Variants in KIFC3 observed in about 807,000 individuals in gnomAD.
KIFC3 encodes kinesin-like protein KIFC3.
In KIFC3, 60 loss-of-function variants were observed where a neutral mutation model predicts 101.8. The ratio of observed to expected loss-of-function variants is 0.59; its 90% CI spans 0.48 to 0.73. KIFC3 has a LOEUF of 0.73. Ranked by LOEUF, KIFC3 falls within the 30% of genes least tolerant of loss-of-function variation. KIFC3 has a pLI of 0.00. For missense variants in KIFC3, 966 were observed against 1,137.1 expected (o/e 0.85, Z 2.16); for synonymous variants, 476 against 482.7 (o/e 0.99, Z 0.18).
At chr16:57,761,852 C>T (rs2049896122) in intron 13 of KIFC3, among the ~76,000 whole-genome samples, 1 of 152,170 alleles carries the variant, frequency 6.6e-6, no homozygotes, top group South Asian at 2.1e-4. Context: ...CCAGAACCAT[C>T]CAACCCACTG....
At chr16:57,802,919 A>G (rs560877130), upstream of KIFC3, 154 of 1,468,844 alleles carry the variant, frequency 1.0e-4, 2 homozygotes, top group African/African-American at 1.5e-3. The surrounding 1 kb of genome is among the most constrained non-coding windows in gnomAD (Gnocchi z 5.0). Context: ...TCATACCAGT[A>G]CGTGTCTTCC....
chr16:57,805,986 G>A (rs530237169), upstream of KIFC3, among the ~76,000 whole-genome samples: 60 of 152,124 alleles, frequency 3.9e-4, no homozygotes, highest in African/African-American at 1.2e-3. Flanking sequence ...TGATCTGCCC[G>A]CCTCAACCTC....
upstream of KIFC3, among the ~76,000 whole-genome samples, chr16:57,806,251 A>T (rs1425445515): frequency 6.6e-6 from 1 of 152,234 alleles, no homozygotes; most frequent in African/African-American, 2.4e-5. Flanking sequence ...CCTCAGATCA[A>T]GTCTTCTCCG....
intron 1 of KIFC3, among the ~76,000 whole-genome samples, chr16:57,822,429 C>T (rs1241698023): frequency 2.6e-5 from 4 of 152,114 alleles, no homozygotes; most frequent in African/African-American, 7.2e-5. Context: ...TGGCTGGGCG[C>T]GGTGGCTCAC....
At chr16:57,829,372 G>A (rs1301064798) in intron 1 of KIFC3, among the ~76,000 whole-genome samples, 1 of 152,102 alleles carries the variant, frequency 6.6e-6, no homozygotes, top group Non-Finnish European at 1.5e-5. Flanking sequence ...TCCCACCTCA[G>A]TTCCCTGAGT....
intron 18 of KIFC3, chr16:57,759,410 G>T (rs1276569494): frequency 3.4e-6 from 2 of 594,788 alleles, no homozygotes; most frequent in Non-Finnish European, 6.0e-6. Flanking sequence ...GCTCTGGAGG[G>T]GGCTTACTGC....
chr16:57,799,868 G>C lies in KIFC3; in HGVS notation c.-39-1586C>G, dbSNP rs72795553. Among the ~76,000 whole-genome samples the C allele has an allele frequency of 5.2e-3, 793 of 152,322 alleles. 6 individuals are homozygous for C. The highest frequency in any genetic ancestry group is 9.2e-3 in the Non-Finnish European group (625 of 68,036). On this transcript the variant is annotated intron_variant, in intron 1 of 19. Transcript: ENST00000445690. Reference sequence around the variant, plus strand: ...AGTGCCCAGTGCATCATGCCAAAGAGACGTGGAGGACTGAAAGCCCAGACA... The same window carrying C: ...AGTGCCCAGTGCATCATGCCAAAGACACGTGGAGGACTGAAAGCCCAGACA...
At chr16:57,794,772 C>T (rs934377763) in intron 3 of KIFC3, among the ~76,000 whole-genome samples, 2 of 152,216 alleles carry the variant, frequency 1.3e-5, no homozygotes, top group Admixed American at 1.3e-4. Flanking sequence ...TTTAACACCT[C>T]AGCCAGGGCA....
chr16:57,855,023 G>A (rs2149332882), intron 1 of KIFC3, among the ~76,000 whole-genome samples: 1 of 151,764 alleles, frequency 6.6e-6, no homozygotes, highest in South Asian at 2.1e-4. Context: ...AGTTTGAGAT[G>A]AGCCTGGGCA....
At chr16:57,770,398 G>A (rs1000302266) in intron 7 of KIFC3, 129 bp downstream of exon 7, 20 of 829,586 alleles carry the variant, frequency 2.4e-5, no homozygotes, top group Admixed American at 1.5e-4. Flanking sequence ...CCTGGGTCCC[G>A]TGGCCATCGG....
chr16:57,842,514 CAAT>C (rs1365180324), intron 1 of KIFC3, among the ~76,000 whole-genome samples: 1 of 152,206 alleles, frequency 6.6e-6, no homozygotes, highest in Non-Finnish European at 1.5e-5. Context: ...ATTTTATCAA[CAAT>C]GAGAACAACA....
rs1555602338 is a variant in KIFC3, at chr16:57,765,663, A to G, written c.1331-23T>C. The G allele has an allele frequency of 1.7e-5, 27 of 1,597,076 alleles. No individual in the cohort carries two copies. In the Admixed American group the frequency reaches 4.5e-4, roughly 26 times the overall value. On this transcript the variant is annotated intron_variant, in intron 10 of 19. Coordinates refer to ENST00000445690, the MANE Select transcript of KIFC3 (RefSeq NM_001130100.2). ...TCCCTGGATTGGTTGGGGATGGGGA[A>G]ATGGGTCCAGGCCATGTCAAGACCA... is the stretch of plus-strand genomic sequence containing the variant.
intron 1 of KIFC3, chr16:57,846,496 G>A (rs2055922126): frequency 6.6e-6 from 1 of 152,270 alleles, no homozygotes; most frequent in Admixed American, 6.5e-5. Flanking sequence ...GTTCTGCTGG[G>A]AAACCCAGCC....
chr16:57,800,421 T>C (rs1356887030), intron 1 of KIFC3, among the ~76,000 whole-genome samples: 2 of 152,184 alleles, frequency 1.3e-5, no homozygotes, highest in African/African-American at 4.8e-5. Flanking sequence ...AAATGTCCTC[T>C]TCTCCAGGCT....
chr16:57,792,116 G>C (rs1296938817), intron 3 of KIFC3, among the ~76,000 whole-genome samples: 1 of 152,204 alleles, frequency 6.6e-6, no homozygotes, highest in African/African-American at 2.4e-5. Flanking sequence ...ATTCCTTCAA[G>C]GCTCTGTGGA....
chr16:57,837,481 A>G (rs565458975), intron 1 of KIFC3, among the ~76,000 whole-genome samples: 1 of 151,542 alleles, frequency 6.6e-6, no homozygotes, highest in Admixed American at 6.6e-5. Context: ...AGAAAGAAAG[A>G]AAGAGAGAGA....
In KIFC3 at chr16:57,780,506, C is replaced by A. The variant is rs533113930; in HGVS notation, c.316-8218G>T. On this transcript the variant is annotated intron_variant, in intron 3 of 19. Transcript: ENST00000445690. Reference sequence around the variant, plus strand: ...AGCCTGGGTGACAGAGCAAGATTCTCTCTCAAGAAAAAAAATATATATATA... The same window carrying A: ...AGCCTGGGTGACAGAGCAAGATTCTATCTCAAGAAAAAAAATATATATATA... 9.4e-5 allele frequency among the ~76,000 whole-genome samples: 14 copies of A among 148,558 alleles called. No homozygotes were observed. In the South Asian group the frequency reaches 1.3e-3, roughly 14 times the overall value.
intron 1 of KIFC3, among the ~76,000 whole-genome samples, chr16:57,853,415 T>A (rs2056097929): frequency 9.9e-6 from 1 of 100,984 alleles, no homozygotes; most frequent in Admixed American, 1.0e-4. Context: ...CAAGACTCCA[T>A]CTCAAAATAA....
chr16:57,811,975 C>T (rs1248846374), intron 1 of KIFC3, among the ~76,000 whole-genome samples: 2 of 149,118 alleles, frequency 1.3e-5, no homozygotes, highest in African/African-American at 4.9e-5. Context: ...CCCAGGAGTT[C>T]AAGGCTGCAG....
Sources: allele counts gnomAD v4.1 joint callset (sites outside exome capture counted in the v4.1 genomes callset), GRCh38; gene constraint gnomAD v4.1.1; non-coding constraint Gnocchi (gnomAD v3.1); transcripts MANE v1.5; gene names NCBI Gene and HGNC (gene_info 2026-07-23, HGNC 2026-07-21).